The following ENTHD1 variants were observed in gnomAD, a reference collection of about 807,000 sequenced individuals.
The protein encoded by ENTHD1 is ENTH domain containing 1.
A neutral mutation model predicts 39.1 loss-of-function variants in ENTHD1; 23 were observed. The observed-to-expected ratio is 0.59, with a 90% CI of 0.42 to 0.83. The LOEUF is 0.83. Ranked by LOEUF, ENTHD1 falls within the 40% of genes least tolerant of loss-of-function variation. ENTHD1 has a pLI of 0.00. For synonymous variants in ENTHD1, 230 were observed against 258.2 expected, an observed-to-expected ratio of 0.89 and a Z score of 1.05; for missense variants, 624 against 705.4, an observed-to-expected ratio of 0.88 and a Z score of 1.31.
chr22:39,770,597 A>G (rs1016381715), intron 5 of ENTHD1, among the ~76,000 whole-genome samples: 30 of 152,138 alleles, frequency 2.0e-4, no homozygotes, highest in African/African-American at 6.3e-4. Context: ...TGATCATACC[A>G]TGGGTATGTG....
At chr22:39,792,063 G>A (rs1002248293) in intron 5 of ENTHD1, among the ~76,000 whole-genome samples, 1 of 152,166 alleles carries the variant, frequency 6.6e-6, no homozygotes, top group Non-Finnish European at 1.5e-5. Context: ...CAAAGGACAT[G>A]ATCTCATTCT....
At chr22:39,885,436 A>G (rs1003776716) in intron 2 of ENTHD1, among the ~76,000 whole-genome samples, 27 of 152,310 alleles carry the variant, frequency 1.8e-4, no homozygotes, top group African/African-American at 6.0e-4. Context: ...CTATGGAAAA[A>G]CTTAGCAGCT....
At chr22:39,753,200 T>C (rs563032004) in intron 6 of ENTHD1, among the ~76,000 whole-genome samples, 28 of 152,200 alleles carry the variant, frequency 1.8e-4, no homozygotes, top group Admixed American at 4.6e-4. Context: ...AAGAACAGTG[T>C]AGCTGAACAT....
rs572215101 is a variant in ENTHD1 at position 39,845,808 on chromosome 22, T to C, written c.593-9850A>G. On this transcript the variant is annotated intron_variant, in intron 3 of 6. Coordinates refer to ENST00000325157, the MANE Select transcript of ENTHD1 (RefSeq NM_152512.4). ...CTTTTCTCATTGATCTGCAAGAATT[T>C]TTTATATATTCTGGATACTAATCCT... Among the ~76,000 whole-genome samples, 3 of 152,342 alleles carry C rather than the reference T, an allele frequency of 2.0e-5. No homozygotes were observed. The East Asian group carries it at 5.8e-4, about 29-fold the overall frequency.
Position 39,759,172 on chromosome 22 carries a change from G to A in ENTHD1, c.1219+6051C>T, listed in dbSNP as rs148623725. Among the ~76,000 whole-genome samples, 486 of 152,160 alleles carry A rather than the reference G, an allele frequency of 3.2e-3. 4 individuals are homozygous for A. The highest frequency in any genetic ancestry group is 0.011 in the African/African-American group (467 of 41,514). On this transcript the variant is annotated intron_variant, in intron 6 of 6. Coordinates refer to ENST00000325157, the MANE Select transcript of ENTHD1 (RefSeq NM_152512.4). ...CCTTTTCTACTTTCTGAAAAAATTG[G>A]CACATGATTATCATTACTTCTTTCT... is the stretch of plus-strand genomic sequence containing the variant.
intron 5 of ENTHD1, among the ~76,000 whole-genome samples, chr22:39,799,495 G>A (rs1037890716): frequency 8.5e-5 from 13 of 152,184 alleles, no homozygotes; most frequent in East Asian, 1.9e-4. Context: ...TGAGGAGGGC[G>A]GAATTTATTA....
At chr22:39,827,466 A>C (rs547445516) in intron 4 of ENTHD1, among the ~76,000 whole-genome samples, 12 of 152,332 alleles carry the variant, frequency 7.9e-5, no homozygotes, top group African/African-American at 2.2e-4. Context: ...TAATTCTCTA[A>C]TACACAAATT....
At chr22:39,838,849 A>G (rs975870763) in intron 3 of ENTHD1, among the ~76,000 whole-genome samples, 21 of 152,302 alleles carry the variant, frequency 1.4e-4, no homozygotes, top group Non-Finnish European at 2.4e-4. Flanking sequence ...ATATTAGAAT[A>G]AAATTCTGCA....
chr22:39,880,575 G>A (rs1324192378), intron 2 of ENTHD1, among the ~76,000 whole-genome samples: 1 of 152,130 alleles, frequency 6.6e-6, no homozygotes, highest in Non-Finnish European at 1.5e-5. Flanking sequence ...GCATGTACAG[G>A]GGAAGAGGGT....
intron 5 of ENTHD1, among the ~76,000 whole-genome samples, chr22:39,777,042 G>T (rs2065370675): frequency 6.6e-6 from 1 of 152,166 alleles, no homozygotes; most frequent in Non-Finnish European, 1.5e-5. Context: ...CAGAGAGCTG[G>T]CAAGCAGGAC....
intron 2 of ENTHD1, among the ~76,000 whole-genome samples, chr22:39,869,764 A>G (rs928697247): frequency 7.9e-5 from 12 of 152,080 alleles, no homozygotes; most frequent in Non-Finnish European, 8.8e-5. Flanking sequence ...TTTTTAAATA[A>G]AGAGATTAAT....
intron 5 of ENTHD1, among the ~76,000 whole-genome samples, chr22:39,813,313 A>G (rs1307445546): frequency 1.3e-5 from 2 of 152,250 alleles, no homozygotes; most frequent in Non-Finnish European, 2.9e-5. Context: ...GACAAAGAGA[A>G]TTTTAGAAAA....
At chr22:39,809,524 A>G (rs1475028255) in intron 5 of ENTHD1, among the ~76,000 whole-genome samples, 1 of 152,152 alleles carries the variant, frequency 6.6e-6, no homozygotes, top group East Asian at 1.9e-4. Flanking sequence ...AGGACTCAGA[A>G]AAAGGGCACT....
intron 5 of ENTHD1, among the ~76,000 whole-genome samples, chr22:39,807,795 A>G (rs2065654852): frequency 1.3e-5 from 2 of 152,154 alleles, no homozygotes; most frequent in Non-Finnish European, 1.5e-5. Flanking sequence ...TAAAATGACT[A>G]AGATAGATCA....
rs77915572 is a variant in ENTHD1 at position 39,814,295 on chromosome 22, C to CA, written c.832+6697dup. On this transcript the variant is annotated intron_variant, in intron 5 of 6. Coordinates refer to ENST00000325157, the MANE Select transcript of ENTHD1 (RefSeq NM_152512.4). Reference sequence around the variant, plus strand: ...GCAACATGGCAAAACCCCATCTCTACAAAAAAAAAAAAAAAATAACCAGGT... The same window carrying CA: ...GCAACATGGCAAAACCCCATCTCTACAAAAAAAAAAAAAAAAATAACCAGGT... Among the ~76,000 whole-genome samples, 531 of 97,680 alleles carry CA rather than the reference C, an allele frequency of 5.4e-3. 2 individuals carry two copies. Among genetic ancestry groups the CA allele is most frequent in the African/African-American group, 9.6e-3 (264 of 27,554 alleles). The allele number at this position is 97,680 out of a possible 152,430, so 64.1% of individuals were successfully genotyped here. A position where few individuals can be genotyped will look rare whatever the true frequency, so the allele number is the denominator to read the frequency against.
intron 2 of ENTHD1, among the ~76,000 whole-genome samples, chr22:39,871,975 G>A (rs566279470): frequency 2.0e-5 from 3 of 152,324 alleles, no homozygotes; most frequent in Admixed American, 1.3e-4. Flanking sequence ...TCAGAAGCCT[G>A]TGTTAATTAA....
chr22:39,784,237 G>A lies in ENTHD1; in HGVS notation c.833-18628C>T, dbSNP rs997567101. Among the ~76,000 whole-genome samples, 38 of 152,074 alleles carry A rather than the reference G, an allele frequency of 2.5e-4. No individual in the cohort carries two copies. In the South Asian group the frequency reaches 3.1e-3, roughly 12 times the overall value. On this transcript the variant is annotated intron_variant, in intron 5 of 6. Coordinates refer to ENST00000325157, the MANE Select transcript of ENTHD1 (RefSeq NM_152512.4). The stretch of plus-strand genomic sequence containing the variant: ...GTTAAAATGGCTGTTATCCAAAGAC[G>A]GGCAGTAATGAGCGCTGGTGAGAAT...
intron 5 of ENTHD1, among the ~76,000 whole-genome samples, chr22:39,819,604 T>C (rs959425199): frequency 4.6e-5 from 7 of 152,026 alleles, no homozygotes; most frequent in Non-Finnish European, 8.8e-5. Context: ...GAGGGATGAA[T>C]AGAGCACAGA....
chr22:39,753,912 C>G (rs10427945), intron 6 of ENTHD1, among the ~76,000 whole-genome samples: 3 of 152,136 alleles, frequency 2.0e-5, no homozygotes, highest in Non-Finnish European at 2.9e-5. Flanking sequence ...ACAGATGCAA[C>G]GAAAATCCTC....
Sources: allele counts gnomAD v4.1 joint callset (sites outside exome capture counted in the v4.1 genomes callset), GRCh38; gene constraint gnomAD v4.1.1; transcripts MANE v1.5; gene names NCBI Gene and HGNC (gene_info 2026-07-23, HGNC 2026-07-21).